RPL13A: variants seen among roughly 807,000 people sequenced by gnomAD.
RPL13A encodes large ribosomal subunit protein uL13.
A neutral mutation model predicts 30.8 loss-of-function variants in RPL13A; 4 were observed. That is an observed-to-expected ratio of 0.13 (90% CI 0.06 to 0.30). The LOEUF (loss-of-function observed/expected upper bound fraction) is 0.30, where lower values mean the gene tolerates loss of function less well. Ranked by LOEUF, RPL13A falls within the 10% of genes least tolerant of loss-of-function variation. The pLI is 1.00. For synonymous variants in RPL13A, 108 were observed against 104.2 expected (o/e 1.04, Z -0.22); for missense variants, 196 against 272.6 (o/e 0.72, Z 1.98).
chr19:49,490,465 C>T lies in RPL13A; in HGVS notation c.155-10C>T. The T allele has an allele frequency of 1.2e-6, 2 of 1,613,870 alleles. No homozygotes were observed. The highest frequency in any genetic ancestry group is 1.7e-6 in the Non-Finnish European group (2 of 1,179,754). On this transcript the variant is annotated splice_polypyrimidine_tract_variant and intron_variant, in intron 3 of 7. Coordinates refer to ENST00000391857, the MANE Select transcript of RPL13A (RefSeq NM_012423.4). ...GACTGGGCAGGCCTCACACTCTCCC[C>T]TCTCCCTAGTGAAGTACCTGGCTTT...
chr19:49,491,574 G>A (rs1426293692), intron 7 of RPL13A, 27 bp downstream of exon 7: 5 of 1,554,030 alleles, frequency 3.2e-6, no homozygotes, highest in African/African-American at 1.4e-5. Context: ...GTGCTGAGGG[G>A]GGCATCTCAC....
rs2079870478 is a variant in RPL13A at position 49,491,460 on chromosome 19, C to T, written c.438C>T (p.Gly146=). Reference sequence around the variant, plus strand: ...TGGGGCGCCTGGCTCACGAGGTTGGCTGGAAGTACCAGGCAGTGACAGCCA... The same window carrying T: ...TGGGGCGCCTGGCTCACGAGGTTGGTTGGAAGTACCAGGCAGTGACAGCCA... The part of the protein sequence containing the change: ...AYLGRLAHEV[G]WKYQAVTATL... The change falls in exon 7 of 8, where the codon GGC becomes GGT. Residue 146 remains glycine, a synonymous_variant. Coordinates refer to ENST00000391857, the MANE Select transcript of RPL13A (RefSeq NM_012423.4). 3 of 1,144,972 alleles carry T rather than the reference C, an allele frequency of 2.6e-6. No individual in the cohort carries two copies. Among genetic ancestry groups the T allele is most frequent in the Middle Eastern group, 2.5e-4 (1 of 3,990 alleles). The allele number at this position is 1,144,972 out of a possible 1,614,324, so 70.9% of individuals were successfully genotyped here.
chr19:49,488,375 G>A (rs2079829683), intron 1 of RPL13A, among the ~76,000 whole-genome samples: 1 of 152,204 alleles, frequency 6.6e-6, no homozygotes, highest in South Asian at 2.1e-4. Flanking sequence ...GATTGGCCCT[G>A]GAAAGGTTTC....
rs764739168 is a variant in RPL13A at position 49,491,187 on chromosome 19, C to A, written c.402+88C>A. On this transcript the variant is annotated intron_variant, in intron 6 of 7. Transcript: ENST00000391857. The stretch of plus-strand genomic sequence containing the variant: ...GGACCTGGAGCCTGGCAGATGATGT[C>A]CTTATCTCACGATGGTCTGCGGATG... 2.8e-6 allele frequency: 4 copies of A among 1,447,654 alleles called. No homozygotes were observed. The African/African-American group carries it at 5.6e-5, about 20-fold the overall frequency. The allele number at this position is 1,447,654 out of a possible 1,614,324, so 89.7% of individuals were successfully genotyped here.
rs766625216 is a variant in RPL13A at position 49,490,254 on chromosome 19, C to T, written c.111C>T (p.Arg37=). The part of the protein sequence containing the change: ...VLLGRKVVVV[R]CEGINISGNF... The stretch of plus-strand genomic sequence containing the variant: ...TAGGCCGGAAGGTGGTGGTCGTACG[C>T]TGTGAAGGCATCAACATTTCTGGCA... The change falls in exon 3 of 8, where the codon CGC becomes CGT. Residue 37 remains arginine, a synonymous_variant. Transcript: ENST00000391857. The T allele has an allele frequency of 6.2e-7, 1 of 1,614,056 alleles. No individual in the cohort carries two copies. Among genetic ancestry groups the T allele is most frequent in the African/African-American group, 1.3e-5 (1 of 74,926 alleles).
At chr19:49,490,429 GGGTGCTGGTAGACT>G in intron 3 of RPL13A, 32 bp from the exon 4 acceptor site, 1 of 1,604,272 alleles carries the variant, frequency 6.2e-7, no homozygotes, top group Non-Finnish European at 8.5e-7. Flanking sequence ...GGGGTTTTGG[GGGTGCTGGTAGACT>G]GGGCAGGCCT....
chr19:49,491,400 T>TCGCCCC (rs1555806959), intron 6 of RPL13A, 25 bp from the exon 7 acceptor site: 1 of 950,634 alleles, frequency 1.1e-6, no homozygotes, highest in Non-Finnish European at 1.4e-6. Flanking sequence ...CTTCATTTGT[T>TCGCCCC]CACCCCCCCC....
chr19:49,489,881 T>A lies in RPL13A; in HGVS notation c.47T>A (p.Leu16Gln). ...VLVLDGRGHL[L>Q]GRLAAIVAKQ... ...GTGCTTGATGGTCGAGGCCATCTCC[T>A]GGGCCGCCTGGCGGCCATCGTGGCT... Residue 16 changes from leucine (L) to glutamine (Q), a missense_variant, in exon 2 of 8, where the codon CTG (leucine) becomes CAG (glutamine). Coordinates refer to ENST00000391857, the MANE Select transcript of RPL13A (RefSeq NM_012423.4). 2 of 1,614,178 alleles carry A rather than the reference T, an allele frequency of 1.2e-6. No homozygotes were observed. Among genetic ancestry groups the A allele is most frequent in the African/African-American group, 2.7e-5 (2 of 75,070 alleles).
intron 6 of RPL13A, 25 bp from the exon 7 acceptor site, chr19:49,491,400 T>TCTGGGGG: frequency 1.0e-6 from 1 of 976,862 alleles, no homozygotes. Context: ...CTTCATTTGT[T>TCTGGGGG]CACCCCCCCC....
At chr19:49,488,730 G>C (rs965252692) in intron 1 of RPL13A, among the ~76,000 whole-genome samples, 11 of 152,210 alleles carry the variant, frequency 7.2e-5, no homozygotes, top group Admixed American at 3.9e-4. Flanking sequence ...TTCTGAGACG[G>C]AGTCTCGCTG....
chr19:49,489,807 G>A lies in RPL13A; in HGVS notation c.16-43G>A, dbSNP rs1294030319. The A allele has an allele frequency of 2.7e-6, 4 of 1,473,896 alleles. No individual in the cohort carries two copies. In the Admixed American group the frequency reaches 6.7e-5, roughly 25 times the overall value. 91.3% of individuals were successfully genotyped at this position (1,473,896 alleles called of 1,614,324 possible). A position where few individuals can be genotyped will look rare whatever the true frequency, so the allele number is the denominator to read the frequency against. On this transcript the variant is annotated intron_variant, in intron 1 of 7. Coordinates refer to ENST00000391857, the MANE Select transcript of RPL13A (RefSeq NM_012423.4). ...ATGCTTGCTTGTGAGGACAATCAAA[G>A]GCTGTCCTTGTCTCTGAGTCCTTTT...
At chr19:49,491,632 G>T in intron 7 of RPL13A, 85 bp downstream of exon 7, 1 of 1,564,202 alleles carries the variant, frequency 6.4e-7, no homozygotes, top group Admixed American at 1.9e-5. Flanking sequence ...ACTCTTAACT[G>T]GCAAAGGACC....
At position 49,491,915 on chromosome 19, in the gene RPL13A, C is replaced by T; in HGVS notation, c.*100C>T. On this transcript the variant is annotated 3_prime_UTR_variant, in exon 8 of 8. Transcript: ENST00000391857. ...AGGGGCAGCAGCAGTCCAGGTGCCA[C>T]AGGCAGCCCTGGGACATAGGAAGCT... 1.1e-6 allele frequency: 1 copy of T among 922,100 alleles called. No individual in the cohort carries two copies. The highest frequency in any genetic ancestry group is 1.7e-6 in the Non-Finnish European group (1 of 589,878). The allele number at this position is 922,100 out of a possible 1,614,324, so 57.1% of individuals were successfully genotyped here. A position where few individuals can be genotyped will look rare whatever the true frequency, so the allele number is the denominator to read the frequency against.
Position 49,490,776 on chromosome 19 carries a change from C to T in RPL13A, c.257-3C>T, listed in dbSNP as rs112644132. On this transcript the variant is annotated splice_polypyrimidine_tract_variant and splice_region_variant and intron_variant, in intron 4 of 7. Transcript: ENST00000391857. ...ACTGGGCCTGCTATCTGTCACCCAA[C>T]AGGTATGCTGCCCCACAAAACCAAG... 4.3e-4 allele frequency: 698 copies of T among 1,614,186 alleles called. 4 individuals carry two copies. The African/African-American group carries it at 8.2e-3, about 19-fold the overall frequency.
At chr19:49,490,321 A>G in intron 3 of RPL13A, 24 bp downstream of exon 3, 1 of 1,611,370 alleles carries the variant, frequency 6.2e-7, no homozygotes, top group Non-Finnish European at 8.5e-7. Context: ...TGGGAGGAGC[A>G]CTGGAGAGGG....
Position 49,490,361 on chromosome 19 carries a change from G to A in RPL13A, c.154+64G>A, listed in dbSNP as rs954347517. The A allele has an allele frequency of 2.6e-5, 41 of 1,594,082 alleles. No individual in the cohort carries two copies. The African/African-American group carries it at 4.4e-4, about 17-fold the overall frequency. ...CCTGTGGGGTGTTGAGGCTCTGAAA[G>A]CAATTGCAGCCGTGTTGGGAGAGGC... On this transcript the variant is annotated intron_variant, in intron 3 of 7. Coordinates refer to ENST00000391857, the MANE Select transcript of RPL13A (RefSeq NM_012423.4).
At chr19:49,490,972 C>A (rs1406289754) in intron 5 of RPL13A, 68 bp from the exon 6 acceptor site, 3 of 1,604,540 alleles carry the variant, frequency 1.9e-6, no homozygotes, top group Non-Finnish European at 2.6e-6. Context: ...GGCTGAGACG[C>A]CAGTCCAGCC....
chr19:49,490,033 A>T (rs774149168), intron 2 of RPL13A, 111 bp downstream of exon 2: 1 of 1,047,248 alleles, frequency 9.5e-7, no homozygotes, highest in Non-Finnish European at 1.5e-6. Flanking sequence ...AACCCCATGC[A>T]CCGCTCTGAG....
chr19:49,488,150 A>G (rs762668082), intron 1 of RPL13A, among the ~76,000 whole-genome samples: 69 of 151,992 alleles, frequency 4.5e-4, no homozygotes, highest in Admixed American at 3.9e-3. Flanking sequence ...TTAATTCTCA[A>G]TGCCTTTCTG....
Sources: gnomAD v4.1 joint callset for allele counts (sites outside exome capture counted in the v4.1 genomes callset) on GRCh38, gnomAD v4.1.1 for gene constraint, MANE v1.5 for transcripts, NCBI Gene and HGNC (gene_info 2026-07-23, HGNC 2026-07-21) for gene names.